Variants in PTPN4 observed in about 807,000 individuals in gnomAD.
The protein encoded by PTPN4 is tyrosine-protein phosphatase non-receptor type 4.
In PTPN4, 49 loss-of-function variants were observed where a neutral mutation model predicts 135.5. The ratio of observed to expected loss-of-function variants is 0.36; its 90% CI spans 0.29 to 0.46. PTPN4 has a LOEUF of 0.46. Ranked by LOEUF, PTPN4 falls within the 20% of genes least tolerant of loss-of-function variation. The pLI is 1.00. For synonymous variants in PTPN4, 333 were observed against 369.9 expected (o/e 0.90, Z 1.14); for missense variants, 860 against 1,101.0 (o/e 0.78, Z 3.10).
intron 9 of PTPN4, among the ~76,000 whole-genome samples, chr2:119,898,099 A>G (rs1299420738): frequency 6.6e-6 from 1 of 152,200 alleles, no homozygotes; most frequent in Admixed American, 6.5e-5. Flanking sequence ...ACAACAAAAC[A>G]TAACTGGTCC....
chr2:119,954,866 TA>T (rs1171059510), intron 19 of PTPN4, among the ~76,000 whole-genome samples: 1 of 152,180 alleles, frequency 6.6e-6, no homozygotes, highest in Admixed American at 6.5e-5. Flanking sequence ...AGAGCGGGTG[TA>T]TTCACAGCTG....
chr2:119,787,165 G>T (rs1254024588), intron 1 of PTPN4, among the ~76,000 whole-genome samples: 1 of 152,170 alleles, frequency 6.6e-6, no homozygotes, highest in Non-Finnish European at 1.5e-5. Flanking sequence ...ATCTTCTCCT[G>T]GGCTGGTGGC....
In PTPN4 at chr2:119,984,243, G is replaced by T. The variant is rs1233684502; in HGVS notation, c.*7173G>T. ...ATATCTGCATTATTGATATTTTTAA[G>T]TAGTAGTTTTAAAAATAATTATTTC... On this transcript the variant is annotated 3_prime_UTR_variant, in exon 27 of 27. Transcript: ENST00000263708. 3.3e-5 allele frequency among the ~76,000 whole-genome samples: 5 copies of T among 152,046 alleles called. No homozygotes were observed. The East Asian group carries it at 9.6e-4, about 29-fold the overall frequency.
chr2:119,902,639 G>A (rs1402166308), intron 10 of PTPN4, among the ~76,000 whole-genome samples: 1 of 152,180 alleles, frequency 6.6e-6, no homozygotes, highest in East Asian at 1.9e-4. Flanking sequence ...GAAGTGACAG[G>A]GAACCTCTGA....
At chr2:119,773,755 A>G (rs1302111594) in intron 1 of PTPN4, among the ~76,000 whole-genome samples, 2 of 151,322 alleles carry the variant, frequency 1.3e-5, no homozygotes, top group East Asian at 3.9e-4. Flanking sequence ...AAAAAAAACT[A>G]AAAAGGAAAA....
chr2:119,960,027 A>G (rs918740924), intron 22 of PTPN4, among the ~76,000 whole-genome samples: 9 of 152,180 alleles, frequency 5.9e-5, no homozygotes, highest in Admixed American at 3.9e-4. Context: ...TTTAAGCAAC[A>G]GTTTTACAGA....
intron 26 of PTPN4, among the ~76,000 whole-genome samples, chr2:119,975,611 G>C (rs1679603497): frequency 6.6e-6 from 1 of 152,124 alleles, no homozygotes; most frequent in Non-Finnish European, 1.5e-5. Context: ...TGTAATCCCA[G>C]CTACTCCGGA....
At chr2:119,953,358 C>CA (rs1030364995) in intron 19 of PTPN4, among the ~76,000 whole-genome samples, 3 of 152,012 alleles carry the variant, frequency 2.0e-5, no homozygotes, top group Admixed American at 1.3e-4. Context: ...TTTTTGTAAA[C>CA]AAAAAATAAA....
intron 15 of PTPN4, among the ~76,000 whole-genome samples, chr2:119,938,387 A>G (rs562368977): frequency 3.9e-4 from 60 of 152,100 alleles, no homozygotes; most frequent in African/African-American, 1.1e-3. Flanking sequence ...TCGGCCTCCC[A>G]AAGTGCTGGG....
intron 2 of PTPN4, among the ~76,000 whole-genome samples, chr2:119,843,531 G>A (rs1251835103): frequency 5.9e-5 from 7 of 118,890 alleles, no homozygotes; most frequent in East Asian, 4.7e-4. Context: ...GGTGGTGGCC[G>A]GGCAGAGGGG....
At chr2:119,919,142 G>A (rs529210461) in intron 11 of PTPN4, among the ~76,000 whole-genome samples, 2 of 152,298 alleles carry the variant, frequency 1.3e-5, no homozygotes, top group Admixed American at 6.5e-5. Context: ...CTGGGTAAAG[G>A]TTACATGGTT....
intron 9 of PTPN4, 111 bp downstream of exon 9, chr2:119,885,993 G>A: frequency 1.4e-6 from 1 of 692,406 alleles, no homozygotes; most frequent in Non-Finnish European, 2.3e-6. Context: ...TGCTGACACA[G>A]CTGCACTGAA....
intron 13 of PTPN4, among the ~76,000 whole-genome samples, chr2:119,930,154 C>G (rs1434026985): frequency 6.6e-6 from 1 of 152,018 alleles, no homozygotes; most frequent in Non-Finnish European, 1.5e-5. Context: ...TCAAAAAATC[C>G]TATAATTTAA....
rs1339676486 is a variant in PTPN4 at position 119,977,703 on chromosome 2, T to C, written c.*633T>C. 1 of 152,174 alleles carries C rather than the reference T, an allele frequency of 6.6e-6. No individual in the cohort carries two copies. Among genetic ancestry groups the C allele is most frequent in the Non-Finnish European group, 1.5e-5 (1 of 68,030 alleles). 9.4% of individuals were successfully genotyped at this position (152,174 alleles called of 1,614,324 possible). A position where few individuals can be genotyped will look rare whatever the true frequency, so the allele number is the denominator to read the frequency against. ...CTTATAGAAAATATAAATATGAATC[T>C]ACAAATTCTCTTGGATTTAATAATG... On this transcript the variant is annotated 3_prime_UTR_variant, in exon 27 of 27. Coordinates refer to ENST00000263708, the MANE Select transcript of PTPN4 (RefSeq NM_002830.4).
intron 18 of PTPN4, among the ~76,000 whole-genome samples, chr2:119,950,699 C>G (rs1041675071): frequency 6.6e-6 from 1 of 152,206 alleles, no homozygotes; most frequent in Non-Finnish European, 1.5e-5. Context: ...CCTGGCCTAT[C>G]ATTCCTCAAA....
chr2:119,910,808 C>T (rs1678560417), intron 10 of PTPN4, among the ~76,000 whole-genome samples: 1 of 152,086 alleles, frequency 6.6e-6, no homozygotes, highest in African/African-American at 2.4e-5. Context: ...TGAGGTCTCC[C>T]CAGCCAGGCT....
intron 1 of PTPN4, among the ~76,000 whole-genome samples, chr2:119,767,890 C>T (rs1030376838): frequency 5.9e-5 from 9 of 152,138 alleles, no homozygotes; most frequent in Non-Finnish European, 1.0e-4. Flanking sequence ...GTGAAGTTAT[C>T]GTTTTTTTCC....
chr2:119,901,845 T>C lies in PTPN4; in HGVS notation c.764+1039T>C, dbSNP rs76411453. Among the ~76,000 whole-genome samples the C allele has an allele frequency of 2.1e-3, 322 of 152,198 alleles. 6 individuals carry two copies. In the East Asian group the frequency reaches 0.048, roughly 23 times the overall value. ...AATGCATTGCAACAGAAATGAAGAA[T>C]GCCTTTGGTCTTATCGGTAGATTAT... On this transcript the variant is annotated intron_variant, in intron 10 of 26. Transcript: ENST00000263708.
intron 2 of PTPN4, among the ~76,000 whole-genome samples, chr2:119,833,953 C>T (rs1261838845): frequency 1.3e-5 from 2 of 152,212 alleles, no homozygotes; most frequent in Non-Finnish European, 2.9e-5. Context: ...CCAAGGCCTG[C>T]ACATTTTTCC....
Sources: allele counts gnomAD v4.1 joint callset (sites outside exome capture counted in the v4.1 genomes callset), GRCh38; gene constraint gnomAD v4.1.1; transcripts MANE v1.5; gene names NCBI Gene and HGNC (gene_info 2026-07-23, HGNC 2026-07-21).